The following IL16 variants were observed in gnomAD, a reference collection of about 807,000 sequenced individuals.
IL16 encodes the protein pro-interleukin-16.
A neutral mutation model predicts 110.1 loss-of-function variants in IL16; 67 were observed. The ratio of observed to expected loss-of-function variants is 0.61; its 90% confidence interval spans 0.50 to 0.75. The LOEUF is 0.75. Among genes scored for constraint, IL16 ranks in the 30% least tolerant of loss-of-function variants. The pLI is 0.00. For missense variants in IL16, 1,545 were observed against 1,655.0 expected, an observed-to-expected ratio of 0.93 and a Z score of 1.15; for synonymous variants, 689 against 662.9, an observed-to-expected ratio of 1.04 and a Z score of -0.61.
At chr15:81,292,480 A>C (rs565851729) in intron 11 of IL16, 76 bp from the exon 12 acceptor site, 62 of 1,598,932 alleles carry the variant, frequency 3.9e-5, no homozygotes, top group Admixed American at 1.2e-4. Flanking sequence ...TGCCCGTGGC[A>C]GTCACAGGTG....
At chr15:81,296,838 C>G (rs954299847) in intron 12 of IL16, 90 bp from the exon 13 acceptor site, 1 of 1,183,394 alleles carries the variant, frequency 8.5e-7, no homozygotes, top group Non-Finnish European at 1.2e-6. Flanking sequence ...GCTCAATATC[C>G]GTTTTTCCGT....
At chr15:81,208,361 A>C (rs1896112776) in intron 1 of IL16, among the ~76,000 whole-genome samples, 1 of 152,192 alleles carries the variant, frequency 6.6e-6, no homozygotes, top group African/African-American at 2.4e-5. Flanking sequence ...TTTGCTGTGC[A>C]GAAGCTCGTT....
chr15:81,201,774 A>G (rs1202139469), intron 1 of IL16, among the ~76,000 whole-genome samples: 2 of 152,196 alleles, frequency 1.3e-5, no homozygotes, highest in East Asian at 3.8e-4. Context: ...CTCTTCAATA[A>G]CAGCTTGTTG....
At chr15:81,248,778 T>C (rs1237482776) in intron 2 of IL16, among the ~76,000 whole-genome samples, 6 of 147,040 alleles carry the variant, frequency 4.1e-5, no homozygotes, top group Non-Finnish European at 7.4e-5. Flanking sequence ...TGGAGCGCAG[T>C]GGTGCAGTCT....
intron 1 of IL16, among the ~76,000 whole-genome samples, chr15:81,223,181 G>A (rs1203039239): frequency 6.6e-6 from 1 of 152,154 alleles, no homozygotes; most frequent in Non-Finnish European, 1.5e-5. Flanking sequence ...GTAAAAGGCA[G>A]ACCTGATACA....
At chr15:81,224,033 A>G (rs1229849943) in intron 1 of IL16, among the ~76,000 whole-genome samples, 1 of 152,260 alleles carries the variant, frequency 6.6e-6, no homozygotes, top group African/African-American at 2.4e-5. Context: ...TAGACTTTCA[A>G]TCAATCATTA....
intron 6 of IL16, among the ~76,000 whole-genome samples, chr15:81,278,030 C>CTATT (rs72239238): frequency 0.036 from 5,316 of 149,214 alleles, 94 homozygotes; most frequent in African/African-American, 0.045. Context: ...GATCCAAGTC[C>CTATT]TATTTATTTA....
At chr15:81,221,825 A>G (rs1438034347) in intron 1 of IL16, among the ~76,000 whole-genome samples, 1 of 152,160 alleles carries the variant, frequency 6.6e-6, no homozygotes, top group Non-Finnish European at 1.5e-5. Context: ...TAGGTCATGA[A>G]AGTGGTGATT....
intron 2 of IL16, among the ~76,000 whole-genome samples, chr15:81,232,042 G>GTTTTTTTTTTTTTTCTTTT (rs1897010560): frequency 1.7e-5 from 1 of 57,694 alleles, no homozygotes; most frequent in Non-Finnish European, 3.3e-5. Context: ...ATTTGTTCTT[G>GTTTTTTTTTTTTTTCTTTT]TTTTTTTTTT....
upstream of IL16, among the ~76,000 whole-genome samples, chr15:81,195,970 C>G (rs1298455558): frequency 6.6e-6 from 1 of 151,590 alleles, no homozygotes; most frequent in East Asian, 1.9e-4. Flanking sequence ...TTTCAACATG[C>G]TCTGTATACG....
At chr15:81,230,267 C>T (rs998072487) in intron 2 of IL16, among the ~76,000 whole-genome samples, 12 of 152,168 alleles carry the variant, frequency 7.9e-5, no homozygotes, top group African/African-American at 2.9e-4. Context: ...CAGGGACTTA[C>T]TGGCTACTCC....
intron 3 of IL16, among the ~76,000 whole-genome samples, chr15:81,265,400 C>T (rs888655865): frequency 2.0e-5 from 3 of 152,182 alleles, no homozygotes; most frequent in African/African-American, 7.2e-5. Flanking sequence ...CCTGTCAACT[C>T]TTGTTGCATT....
intron 2 of IL16, among the ~76,000 whole-genome samples, chr15:81,247,700 G>A (rs1897615926): frequency 6.6e-6 from 1 of 152,104 alleles, no homozygotes; most frequent in Non-Finnish European, 1.5e-5. Context: ...CTTCAGCGAA[G>A]ATACCAAAGT....
At chr15:81,246,834 G>A (rs1897566964) in intron 2 of IL16, among the ~76,000 whole-genome samples, 1 of 152,024 alleles carries the variant, frequency 6.6e-6, no homozygotes. Context: ...TTTCTTTGTG[G>A]AAAGAGTTAA....
chr15:81,198,995 G>C (rs1450037889), intron 1 of IL16, among the ~76,000 whole-genome samples: 1 of 142,476 alleles, frequency 7.0e-6, no homozygotes, highest in Non-Finnish European at 1.5e-5. Context: ...ACTCCAGCCT[G>C]GGTGACAGAG....
rs569939738 is a variant in IL16 at position 81,203,164 on chromosome 15, A to C, written c.-102+6012A>C. On this transcript the variant is annotated intron_variant, in intron 1 of 18. Coordinates refer to ENST00000683961, the MANE Select transcript of IL16 (RefSeq NM_172217.5). Reference sequence around the variant, plus strand: ...GTTCATATCCTTCACCCACTTTTTGATGGGGTTGTTTTTTTCTTGTAAATT... The same window carrying C: ...GTTCATATCCTTCACCCACTTTTTGCTGGGGTTGTTTTTTTCTTGTAAATT... Among the ~76,000 whole-genome samples, 548 of 140,244 alleles carry C rather than the reference A, an allele frequency of 3.9e-3. 5 individuals are homozygous for C. Among genetic ancestry groups the C allele is most frequent in the African/African-American group, 0.017 (522 of 31,110 alleles). 92.0% of individuals were successfully genotyped at this position (140,244 alleles called of 152,430 possible).
intron 10 of IL16, chr15:81,290,035 G>A: frequency 2.8e-6 from 1 of 357,880 alleles, no homozygotes; most frequent in African/African-American, 2.1e-5. Flanking sequence ...ACTCCAAAGT[G>A]ATAATAAACT....
In IL16 at chr15:81,197,109, G is replaced by A. The variant is rs1895622430; in HGVS notation, c.-145G>A. On this transcript the variant is annotated 5_prime_UTR_variant, in exon 1 of 19. An upstream start codon of the reference 5' UTR is lost. Coordinates refer to ENST00000683961, the MANE Select transcript of IL16 (RefSeq NM_172217.5). ...AGATGGAGAGAGGAGCAAGGGAGAT[G>A]GCAGCCCCGGGGGACTGTGCATAGG... The A allele has an allele frequency of 1.6e-6, 2 of 1,288,976 alleles. No individual in the cohort carries two copies. Among genetic ancestry groups the A allele is most frequent in the Non-Finnish European group, 1.0e-6 (1 of 988,580 alleles). The allele number at this position is 1,288,976 out of a possible 1,614,324, so 79.8% of individuals were successfully genotyped here.
chr15:81,192,807 T>C (rs1895518304), upstream of IL16, among the ~76,000 whole-genome samples: 1 of 151,842 alleles, frequency 6.6e-6, no homozygotes, highest in African/African-American at 2.4e-5. Context: ...AAGAGGAGGG[T>C]GGCGGCAGTG....
Sources: allele counts gnomAD v4.1 joint callset (sites outside exome capture counted in the v4.1 genomes callset), GRCh38; gene constraint gnomAD v4.1.1; transcripts MANE v1.5; gene names NCBI Gene and HGNC (gene_info 2026-07-23, HGNC 2026-07-21).